Variants in SCAMP4 observed in about 807,000 individuals in gnomAD.
SCAMP4 encodes secretory carrier-associated membrane protein 4.
In SCAMP4, 19 loss-of-function variants were observed where a neutral mutation model predicts 32.1. The ratio of observed to expected loss-of-function variants is 0.59; its 90% CI spans 0.41 to 0.87. SCAMP4 has a LOEUF of 0.87. Among genes scored for constraint, SCAMP4 ranks in the 40% least tolerant of loss-of-function variants. The pLI is 0.00. For missense variants in SCAMP4, 302 were observed against 309.0 expected, an observed-to-expected ratio of 0.98 and a Z score of 0.17; for synonymous variants, 152 against 132.7, an observed-to-expected ratio of 1.15 and a Z score of -1.00.
intron 1 of SCAMP4, chr19:1,913,089 C>T (rs763263023): frequency 8.7e-6 from 14 of 1,600,374 alleles, no homozygotes; most frequent in South Asian, 5.5e-5. Context: ...CCTCAACCAC[C>T]GCTTCCAGGT....
In SCAMP4 at chr19:1,918,901, C is replaced by CT; in HGVS notation, c.309dup (p.Asn104Ter). ...TGTCCCTCCCCAGAGCCGACAGCTC[C>CT]TTTAATTTCATGGCGTTTTTCTTCA... is the stretch of plus-strand genomic sequence containing the variant. On this transcript the variant is annotated frameshift_variant, in exon 5 of 7. Coordinates refer to ENST00000316097, the MANE Select transcript of SCAMP4 (RefSeq NM_079834.4). LOFTEE classifies it high-confidence loss of function. 5.6e-6 allele frequency: 9 copies of CT among 1,609,634 alleles called. No homozygotes were observed. Among genetic ancestry groups the CT allele is most frequent in the Non-Finnish European group, 7.6e-6 (9 of 1,177,974 alleles).
intron 5 of SCAMP4, chr19:1,922,868 AG>A (rs1378597368): frequency 1.5e-6 from 2 of 1,298,806 alleles, no homozygotes; most frequent in Non-Finnish European, 2.0e-6. Flanking sequence ...GCGATGGTGG[AG>A]GGATAAGGTC....
At position 1,918,915 on chromosome 19, in the gene SCAMP4, C is replaced by T. The variant is rs547180326; in HGVS notation, c.320C>T (p.Ala107Val). 225 of 1,611,694 alleles carry T rather than the reference C, an allele frequency of 1.4e-4. 2 individuals are homozygous for T. In the South Asian group the frequency reaches 1.7e-3, roughly 13 times the overall value. ...FRADSSFNFMAFFFIFGAQFV... is the reference protein window; with the variant it reads ...FRADSSFNFMVFFFIFGAQFV... ...GCCGACAGCTCCTTTAATTTCATGG[C>T]GTTTTTCTTCATCTTCGGAGCCCAG... Residue 107 changes from alanine (A) to valine (V), a missense_variant, in exon 5 of 7, where the codon GCG becomes GTG. Ala to Val is a moderately conservative substitution (Grantham distance 64). Transcript: ENST00000316097.
At chr19:1,922,021 G>A in intron 5 of SCAMP4, 1 of 985,490 alleles carries the variant, frequency 1.0e-6, no homozygotes, top group Non-Finnish European at 1.2e-6. Flanking sequence ...CGGGCTGCCT[G>A]TGCACCAGGG....
chr19:1,918,370 G>C, intron 4 of SCAMP4, 87 bp downstream of exon 4: 1 of 1,373,276 alleles, frequency 7.3e-7, no homozygotes. Context: ...GTGAGGAGCT[G>C]TCCCTTTCTC....
Position 1,917,805 on chromosome 19 carries a change from T to G in SCAMP4, c.119T>G (p.Ile40Ser). The G allele has an allele frequency of 1.9e-6, 3 of 1,613,974 alleles. No homozygotes were observed. Among genetic ancestry groups the G allele is most frequent in the Non-Finnish European group, 2.5e-6 (3 of 1,179,898 alleles). ...PVEHQVLVKR[I>S]YRLWMFYCAT... is the part of the protein sequence containing the mutation. ...GAGCACCAGGTCCTGGTGAAGAGGA[T>G]CTACCGGCTGTGGATGTGTGAGTGC... Residue 40 changes from isoleucine to serine, a missense_variant, in exon 3 of 7, where the codon ATC becomes AGC. Ile to Ser is a moderately radical substitution (Grantham distance 142). Coordinates refer to ENST00000316097, the MANE Select transcript of SCAMP4 (RefSeq NM_079834.4).
chr19:1,921,170 C>T lies in SCAMP4; in HGVS notation c.396-1900C>T, dbSNP rs886115206. 35 of 985,048 alleles carry T rather than the reference C, an allele frequency of 3.6e-5. No individual in the cohort carries two copies. In the African/African-American group the frequency reaches 4.2e-4, roughly 12 times the overall value. 61.0% of individuals were successfully genotyped at this position (985,048 alleles called of 1,614,324 possible). A position where few individuals can be genotyped will look rare whatever the true frequency, so the allele number is the denominator to read the frequency against. On this transcript the variant is annotated intron_variant, in intron 5 of 6. Coordinates refer to ENST00000316097, the MANE Select transcript of SCAMP4 (RefSeq NM_079834.4). ...GCTGTGGGGCGAGAGGGGACAGCCC[C>T]GCTCTCCCTGTCCTGGGCGGCTTCA...
chr19:1,912,593 C>A, intron 1 of SCAMP4: 1 of 1,491,146 alleles, frequency 6.7e-7, no homozygotes, highest in Non-Finnish European at 8.9e-7. Flanking sequence ...GGCTCTTCTC[C>A]ACGCAGGAGC....
intron 2 of SCAMP4, 51 bp from the exon 3 acceptor site, chr19:1,917,643 T>C (rs2013776075): frequency 1.2e-6 from 2 of 1,610,616 alleles, no homozygotes; most frequent in Non-Finnish European, 1.7e-6. Flanking sequence ...AGGTGGGGCC[T>C]CCTTCAAGAG....
At chr19:1,919,895 C>T (rs1447570755) in intron 5 of SCAMP4, among the ~76,000 whole-genome samples, 2 of 151,322 alleles carry the variant, frequency 1.3e-5, no homozygotes, top group Admixed American at 6.6e-5. Flanking sequence ...CTGCAACCTT[C>T]ACCTCCCAGG....
At chr19:1,923,367 C>T (rs1326186403) in intron 6 of SCAMP4, among the ~76,000 whole-genome samples, 180 bp downstream of exon 6, 1 of 152,170 alleles carries the variant, frequency 6.6e-6, no homozygotes, top group Non-Finnish European at 1.5e-5. Context: ...ACCAGGGACA[C>T]TCCCAGGGAC....
intron 1 of SCAMP4, chr19:1,913,020 G>A (rs1402238455): frequency 1.9e-6 from 3 of 1,606,034 alleles, no homozygotes; most frequent in Non-Finnish European, 2.5e-6. Context: ...CGTCTTCTAC[G>A]GTGCGCCCTC....
At chr19:1,913,246 C>G in intron 1 of SCAMP4, 2 of 1,437,390 alleles carry the variant, frequency 1.4e-6, no homozygotes, top group Non-Finnish European at 1.8e-6. Context: ...CAAGCCTGAC[C>G]GTGGATTTCA....
intron 1 of SCAMP4, chr19:1,912,033 G>T: frequency 7.1e-7 from 1 of 1,415,234 alleles, no homozygotes; most frequent in Non-Finnish European, 9.2e-7. Flanking sequence ...TCCCCCAGCC[G>T]CCCGCAGCCG....
chr19:1,922,157 C>G, intron 5 of SCAMP4: 1 of 985,490 alleles, frequency 1.0e-6, no homozygotes, highest in South Asian at 4.7e-5. Flanking sequence ...CCTCCTGGGT[C>G]TCAAAGGCAG....
intron 5 of SCAMP4, chr19:1,921,415 T>C (rs1445158755): frequency 4.1e-6 from 4 of 985,320 alleles, no homozygotes; most frequent in Non-Finnish European, 4.8e-6. Context: ...GGTGGCCACA[T>C]GGCGGCAGCC....
chr19:1,914,556 C>G, intron 1 of SCAMP4: 1 of 229,836 alleles, frequency 4.4e-6, no homozygotes, highest in Non-Finnish European at 8.8e-6. Flanking sequence ...TGGGGCTGCT[C>G]TGGTGGGTGA....
Position 1,924,744 on chromosome 19 carries a change from G to A in SCAMP4, c.*460G>A, listed in dbSNP as rs143312528. The A allele has an allele frequency of 0.011, 2,146 of 202,162 alleles. 14 individuals are homozygous for A. The highest frequency in any genetic ancestry group is 0.036 in the Middle Eastern group (16 of 444). The allele number at this position is 202,162 out of a possible 1,614,324, so 12.5% of individuals were successfully genotyped here. On this transcript the variant is annotated 3_prime_UTR_variant, in exon 7 of 7. Transcript: ENST00000316097. ...GTCACCATGGCAGATGCCCTTGGCC[G>A]GAACTAATAAGAGGCGTCGGGGCCA...
In SCAMP4 at chr19:1,917,830, C is replaced by T. The variant is rs527926506; in HGVS notation, c.136+8C>T. 213 of 1,613,686 alleles carry T rather than the reference C, an allele frequency of 1.3e-4. No individual in the cohort carries two copies. In the East Asian group the frequency reaches 2.3e-3, roughly 18 times the overall value. ...TCTACCGGCTGTGGATGTGTGAGTG[C>T]GCCTGGGGGCAGGAGGCGGGAAGCG... On this transcript the variant is annotated splice_region_variant and intron_variant, in intron 3 of 6. Coordinates refer to ENST00000316097, the MANE Select transcript of SCAMP4 (RefSeq NM_079834.4).
Sources: gnomAD v4.1 joint callset for allele counts (sites outside exome capture counted in the v4.1 genomes callset) on GRCh38, gnomAD v4.1.1 for gene constraint, MANE v1.5 for transcripts, NCBI Gene and HGNC (gene_info 2026-07-23, HGNC 2026-07-21) for gene names.